The following NTN4 variants were observed in gnomAD, a reference collection of about 807,000 sequenced individuals.
NTN4 encodes netrin 4.
Under a neutral mutation model 73.6 loss-of-function variants are expected in NTN4, and 32 were observed. The observed-to-expected ratio is 0.44, with a 90% CI of 0.33 to 0.58. The LOEUF is 0.58. Among genes scored for constraint, NTN4 ranks in the 20% least tolerant of loss-of-function variants. The pLI is 0.04. For missense variants in NTN4, 654 were observed against 798.3 expected (o/e 0.82, Z 2.18); for synonymous variants, 258 against 287.5 (o/e 0.90, Z 1.04).
intron 2 of NTN4, among the ~76,000 whole-genome samples, chr12:95,748,978 C>G (rs867262601): frequency 2.6e-5 from 4 of 152,186 alleles, no homozygotes; most frequent in Non-Finnish European, 5.9e-5. Flanking sequence ...CCTGCCCTGC[C>G]TTAACTGATG....
intron 2 of NTN4, among the ~76,000 whole-genome samples, chr12:95,773,627 T>G (rs2079072662): frequency 6.6e-6 from 1 of 151,934 alleles, no homozygotes; most frequent in South Asian, 2.1e-4. Flanking sequence ...ACAACTCACC[T>G]CTACTTTCCT....
chr12:95,669,828 T>C (rs1415311774), intron 8 of NTN4, among the ~76,000 whole-genome samples: 1 of 152,224 alleles, frequency 6.6e-6, no homozygotes, highest in East Asian at 1.9e-4. Flanking sequence ...TCTCTGCCTC[T>C]TTTTCTTATG....
At chr12:95,687,976 A>G (rs865957132) in intron 5 of NTN4, among the ~76,000 whole-genome samples, 15 of 152,222 alleles carry the variant, frequency 9.9e-5, no homozygotes, top group Middle Eastern at 3.4e-3. Context: ...GTTGAAGGAG[A>G]TGAGGCAGAA....
intron 3 of NTN4, among the ~76,000 whole-genome samples, chr12:95,736,565 TTTG>T (rs1203024445): frequency 6.6e-6 from 1 of 152,188 alleles, no homozygotes; most frequent in Non-Finnish European, 1.5e-5. Flanking sequence ...TCTCTAAATA[TTTG>T]TTATTTTCTG....
intron 5 of NTN4, among the ~76,000 whole-genome samples, chr12:95,695,425 C>T (rs1223605060): frequency 6.6e-6 from 1 of 151,976 alleles, no homozygotes; most frequent in African/African-American, 2.4e-5. Context: ...AGTGCAATGG[C>T]GTGATCTTGG....
chr12:95,670,241 T>C, intron 7 of NTN4, 95 bp from the exon 8 acceptor site: 1 of 673,540 alleles, frequency 1.5e-6, no homozygotes, highest in East Asian at 2.8e-5. Context: ...ACACATCCCT[T>C]AAGCCTTGAG....
At chr12:95,737,631 C>T (rs999084897) in intron 3 of NTN4, among the ~76,000 whole-genome samples, 2 of 152,156 alleles carry the variant, frequency 1.3e-5, no homozygotes, top group African/African-American at 2.4e-5. Flanking sequence ...GGTCACAGTA[C>T]TAAAAACTGG....
chr12:95,768,827 C>T (rs1409955557), intron 2 of NTN4, among the ~76,000 whole-genome samples: 1 of 152,068 alleles, frequency 6.6e-6, no homozygotes, highest in Non-Finnish European at 1.5e-5. Context: ...GAGAGGCATA[C>T]CCACTAAAGA....
At position 95,710,629 on chromosome 12, in the gene NTN4, G is replaced by A. The variant is rs1270138143; in HGVS notation, c.992C>T (p.Thr331Ile). The change falls in exon 5 of 10, where the codon ACC (threonine) becomes ATC (isoleucine). Residue 331 changes from threonine to isoleucine, a missense_variant and splice_region_variant. Physicochemically the swap from Thr to Ile is moderately conservative, Grantham distance 89. Transcript: ENST00000343702. ...GKTGAPNECR[T>I]CKCNGHADTC... is the part of the protein sequence containing the mutation. ...ATCAGCATGCCCATTACACTTGCAG[G>A]CTGGAAATAAGAAGCGTGGAGAGAA... The A allele has an allele frequency of 6.2e-7, 1 of 1,610,214 alleles. No homozygotes were observed. The highest frequency in any genetic ancestry group is 8.5e-7 in the Non-Finnish European group (1 of 1,177,620).
At chr12:95,707,563 A>G (rs1293355710) in intron 5 of NTN4, among the ~76,000 whole-genome samples, 4 of 151,486 alleles carry the variant, frequency 2.6e-5, no homozygotes, top group Non-Finnish European at 5.9e-5. Context: ...CTCTTGTTTT[A>G]TTTTTTTCTT....
In NTN4 at chr12:95,787,483, G is replaced by A. The variant is rs1343896549; in HGVS notation, c.56-15C>T. The A allele has an allele frequency of 6.2e-7, 1 of 1,610,022 alleles. No homozygotes were observed. Among genetic ancestry groups the A allele is most frequent in the Non-Finnish European group, 8.5e-7 (1 of 1,178,228 alleles). ...TCCACTCAGTCCTAAGAAAGGGAAA[G>A]CATGCATGATGCAAGACAAACCCAT... On this transcript the variant is annotated splice_polypyrimidine_tract_variant and intron_variant, in intron 1 of 9. Transcript: ENST00000343702.
At chr12:95,738,238 T>C in intron 2 of NTN4, 94 bp from the exon 3 acceptor site, 1 of 1,158,222 alleles carries the variant, frequency 8.6e-7, no homozygotes, top group Non-Finnish European at 1.2e-6. Flanking sequence ...TTATGCCTTA[T>C]GTCATCTGTG....
intron 7 of NTN4, among the ~76,000 whole-genome samples, chr12:95,678,256 A>G (rs2078288901): frequency 6.6e-6 from 1 of 151,062 alleles, no homozygotes; most frequent in Non-Finnish European, 1.5e-5. Flanking sequence ...TAAAACCTAG[A>G]TGAGGGGTTG....
chr12:95,761,337 T>G (rs546946534), intron 2 of NTN4, among the ~76,000 whole-genome samples: 1 of 146,286 alleles, frequency 6.8e-6, no homozygotes, highest in South Asian at 2.2e-4. Context: ...TTTTTTTTTT[T>G]TTTCCCCAAG....
Position 95,785,117 on chromosome 12 carries a change from T to C in NTN4, c.585+1822A>G, listed in dbSNP as rs186073264. Among the ~76,000 whole-genome samples, 4 of 152,250 alleles carry C rather than the reference T, an allele frequency of 2.6e-5. No individual in the cohort carries two copies. The East Asian group carries it at 7.7e-4, about 29-fold the overall frequency. ...AAACAAGGCCCAGTAGAGATTACTATAGTCATCTTTAAATAATTGCTGGAC... is the reference window on the plus strand; with the variant it reads ...AAACAAGGCCCAGTAGAGATTACTACAGTCATCTTTAAATAATTGCTGGAC... On this transcript the variant is annotated intron_variant, in intron 2 of 9. Transcript: ENST00000343702.
intron 4 of NTN4, among the ~76,000 whole-genome samples, chr12:95,711,188 C>G (rs1451779096): frequency 6.6e-6 from 1 of 151,976 alleles, no homozygotes; most frequent in Non-Finnish European, 1.5e-5. Context: ...CTTGTGTAGC[C>G]TTCCAGTTTT....
intron 8 of NTN4, 77 bp from the exon 9 acceptor site, chr12:95,666,057 C>T (rs1324865907): frequency 1.8e-6 from 2 of 1,095,548 alleles, no homozygotes; most frequent in East Asian, 2.5e-5. Flanking sequence ...GTATGCATTT[C>T]AGAATATAAT....
intron 7 of NTN4, among the ~76,000 whole-genome samples, chr12:95,676,408 C>T (rs1388871956): frequency 1.3e-5 from 2 of 149,764 alleles, no homozygotes; most frequent in East Asian, 4.2e-4. Context: ...TGCCCAGCCC[C>T]GGGTAAAAAA....
intron 2 of NTN4, among the ~76,000 whole-genome samples, chr12:95,776,941 C>T (rs182881923): frequency 2.4e-3 from 369 of 152,234 alleles, no homozygotes; most frequent in South Asian, 0.015. Context: ...AAGGGAAGTC[C>T]ATCAGAGTAA....
Sources: allele counts gnomAD v4.1 joint callset (sites outside exome capture counted in the v4.1 genomes callset), GRCh38; gene constraint gnomAD v4.1.1; transcripts MANE v1.5; gene names NCBI Gene and HGNC (gene_info 2026-07-23, HGNC 2026-07-21).